The following ZNF385D variants were observed in gnomAD, a reference collection of about 807,000 sequenced individuals.
ZNF385D encodes zinc finger protein 385D.
Under a neutral mutation model 35.8 loss-of-function variants are expected in ZNF385D, and 15 were observed. The ratio of observed to expected loss-of-function variants is 0.42; its 90% CI spans 0.28 to 0.64. The LOEUF is 0.64. ZNF385D is among the 30% of genes least tolerant of loss of function. The pLI, the probability that ZNF385D is intolerant of heterozygous loss-of-function variation, is 0.23. For synonymous variants in ZNF385D, 212 were observed against 186.8 expected, an observed-to-expected ratio of 1.13 and a Z score of -1.10; for missense variants, 474 against 494.6, an observed-to-expected ratio of 0.96 and a Z score of 0.39.
intron 4 of ZNF385D, among the ~76,000 whole-genome samples, chr3:21,488,241 T>C (rs567151335): frequency 6.6e-6 from 1 of 151,994 alleles, no homozygotes; most frequent in Non-Finnish European, 1.5e-5. Flanking sequence ...AGATTTCTTC[T>C]AATCTTGCAG....
chr3:21,908,961 T>C (rs1699829112), intron 3 of ZNF385D, among the ~76,000 whole-genome samples: 2 of 152,094 alleles, frequency 1.3e-5, no homozygotes, highest in South Asian at 2.1e-4. Context: ...ACAAGTCTTA[T>C]AGCCTATTAA....
chr3:22,240,874 C>T (rs913883898), intron 2 of ZNF385D, among the ~76,000 whole-genome samples: 13 of 150,964 alleles, frequency 8.6e-5, no homozygotes, highest in African/African-American at 2.9e-4. Context: ...TAATCACTCT[C>T]TTGTCTGTAC....
At chr3:22,312,303 C>T (rs1559513150) in intron 2 of ZNF385D, among the ~76,000 whole-genome samples, 3 of 152,218 alleles carry the variant, frequency 2.0e-5, no homozygotes, top group Middle Eastern at 6.8e-3. Context: ...TAAGCACTTC[C>T]TATTTTGAAA....
At chr3:21,994,860 G>C (rs1027815729) in intron 3 of ZNF385D, among the ~76,000 whole-genome samples, 12 of 152,202 alleles carry the variant, frequency 7.9e-5, no homozygotes, top group African/African-American at 2.9e-4. Flanking sequence ...GTTGTTAGTG[G>C]AAGTGGTGGT....
intron 3 of ZNF385D, among the ~76,000 whole-genome samples, chr3:22,047,657 T>C (rs930773912): frequency 6.6e-6 from 1 of 152,136 alleles, no homozygotes. Context: ...TTGGTGGATA[T>C]GTAGGTTGAT....
intron 2 of ZNF385D, among the ~76,000 whole-genome samples, chr3:21,642,937 G>A (rs138444904): frequency 5.1e-4 from 78 of 152,082 alleles, no homozygotes; most frequent in South Asian, 2.1e-4. Context: ...CCAGGGTCTC[G>A]GGAGAGGGAG....
chr3:21,554,091 A>AT (rs530676027), intron 3 of ZNF385D, among the ~76,000 whole-genome samples: 23 of 152,218 alleles, frequency 1.5e-4, no homozygotes, highest in Admixed American at 1.1e-3. Flanking sequence ...AGAATGGTGA[A>AT]TTTTTTCCAG....
chr3:22,023,989 A>G (rs574149168), intron 3 of ZNF385D, among the ~76,000 whole-genome samples: 2 of 152,270 alleles, frequency 1.3e-5, no homozygotes, highest in African/African-American at 4.8e-5. Context: ...TCCCCTGGGT[A>G]TGTCTGTGAG....
chr3:22,074,183 C>T (rs1037014029), intron 3 of ZNF385D, among the ~76,000 whole-genome samples: 2 of 151,926 alleles, frequency 1.3e-5, no homozygotes, highest in African/African-American at 2.4e-5. Context: ...CAAGTGTCAA[C>T]AGCTGTGCAA....
At chr3:22,183,926 A>C (rs1367437107) in intron 2 of ZNF385D, among the ~76,000 whole-genome samples, 1 of 152,142 alleles carries the variant, frequency 6.6e-6, no homozygotes, top group East Asian at 1.9e-4. Flanking sequence ...AATTAAAAAA[A>C]GGAAGTTCCG....
intron 2 of ZNF385D, among the ~76,000 whole-genome samples, chr3:22,281,924 G>T (rs1023973099): frequency 6.6e-6 from 1 of 151,864 alleles, no homozygotes; most frequent in Non-Finnish European, 1.5e-5. Flanking sequence ...CAATCTTGCT[G>T]CTTGTTATTG....
At chr3:21,664,682 G>A (rs1445555222) in intron 2 of ZNF385D, among the ~76,000 whole-genome samples, 2 of 152,112 alleles carry the variant, frequency 1.3e-5, no homozygotes, top group Non-Finnish European at 2.9e-5. Context: ...GAATCGGATC[G>A]AATCTCTTTT....
intron 2 of ZNF385D, among the ~76,000 whole-genome samples, chr3:21,625,423 A>G (rs568589471): frequency 1.1e-4 from 16 of 152,218 alleles, no homozygotes; most frequent in Admixed American, 6.5e-4. Flanking sequence ...CTGTGACAAA[A>G]TCATTCACAC....
chr3:22,061,484 C>T (rs775114751), intron 3 of ZNF385D, among the ~76,000 whole-genome samples: 13 of 152,136 alleles, frequency 8.5e-5, no homozygotes, highest in Non-Finnish European at 1.8e-4. Context: ...CAGCTAGAAT[C>T]TCACTCTTAA....
At chr3:21,891,241 T>G (rs1698846003) in intron 3 of ZNF385D, among the ~76,000 whole-genome samples, 1 of 152,168 alleles carries the variant, frequency 6.6e-6, no homozygotes. Context: ...TTTTCATTGT[T>G]AAGACTCTCA....
At chr3:21,744,913 T>A (rs1490579470) in intron 1 of ZNF385D, among the ~76,000 whole-genome samples, 1 of 152,150 alleles carries the variant, frequency 6.6e-6, no homozygotes, top group Admixed American at 6.5e-5. Flanking sequence ...ACTGTTTCTC[T>A]TGTCAATGCC....
At chr3:22,010,803 G>T (rs557587791) in intron 3 of ZNF385D, among the ~76,000 whole-genome samples, 5 of 152,266 alleles carry the variant, frequency 3.3e-5, no homozygotes, top group Admixed American at 2.0e-4. Context: ...TATTTTGACA[G>T]ATGGTGCTTT....
chr3:21,790,742 T>C (rs2071893261), intron 3 of ZNF385D, among the ~76,000 whole-genome samples: 1 of 152,222 alleles, frequency 6.6e-6, no homozygotes, highest in African/African-American at 2.4e-5. Flanking sequence ...TAGGTCTTTT[T>C]ATGTTTGACT....
At chr3:21,520,111 G>A (rs540116729) in intron 3 of ZNF385D, among the ~76,000 whole-genome samples, 8 of 152,220 alleles carry the variant, frequency 5.3e-5, no homozygotes, top group South Asian at 4.1e-4. Flanking sequence ...TAAGGAAAAC[G>A]TTACAAGAAG....
Sources: gnomAD v4.1 joint callset for allele counts (sites outside exome capture counted in the v4.1 genomes callset) on GRCh38, gnomAD v4.1.1 for gene constraint, MANE v1.5 for transcripts, NCBI Gene and HGNC (gene_info 2026-07-23, HGNC 2026-07-21) for gene names.